The following FNIP1 variants were observed in gnomAD, a reference collection of about 807,000 sequenced individuals.
FNIP1 encodes the protein folliculin interacting protein 1.
A neutral mutation model predicts 124.5 loss-of-function variants in FNIP1; 40 were observed. That is an observed-to-expected ratio of 0.32 (90% CI 0.25 to 0.42). The LOEUF (loss-of-function observed/expected upper bound fraction) is 0.42, where lower values mean the gene tolerates loss of function less well. Ranked by LOEUF, FNIP1 falls within the 10% of genes least tolerant of loss-of-function variation. The probability of loss-of-function intolerance (pLI) is 1.00; values close to 1 mark genes in which losing one functional copy is unlikely to be tolerated. For missense variants in FNIP1, 1,176 were observed against 1,403.7 expected (o/e 0.84, Z 2.59); for synonymous variants, 472 against 470.6 (o/e 1.00, Z -0.04).
intron 5 of FNIP1, among the ~76,000 whole-genome samples, chr5:131,718,704 G>A (rs747823717): frequency 4.6e-5 from 7 of 152,306 alleles, no homozygotes; most frequent in Non-Finnish European, 7.3e-5. Context: ...GTAACTCAGC[G>A]TGGTACCGCA....
Position 131,796,972 on chromosome 5 carries a change from T to A in FNIP1, c.-51A>T, listed in dbSNP as rs761669940. 1 of 1,503,018 alleles carries A rather than the reference T, an allele frequency of 6.7e-7. No homozygotes were observed. Among genetic ancestry groups the A allele is most frequent in the African/African-American group, 1.4e-5 (1 of 71,266 alleles). The allele number at this position is 1,503,018 out of a possible 1,614,324, so 93.1% of individuals were successfully genotyped here. The stretch of plus-strand genomic sequence containing the variant: ...CTCCGCTGGGCGCTTGCTAGGCCCC[T>A]GCTCCTACAGCCGCCCCGCCACCCC... On this transcript the variant is annotated 5_prime_UTR_variant, in exon 1 of 18. Coordinates refer to ENST00000510461, the MANE Select transcript of FNIP1 (RefSeq NM_133372.3).
rs139084911 is a variant in FNIP1, at chr5:131,731,003, C to A, written c.255G>T (p.Gly85=). ...CTCCAGGTTTCAGTTGGCAGCATTTCCCAAAGACTTTAACTTGAGCATCAC... is the reference window on the plus strand; with the variant it reads ...CTCCAGGTTTCAGTTGGCAGCATTTACCAAAGACTTTAACTTGAGCATCAC... The part of the protein sequence containing the change: ...LGSDAQVKVF[G]KCCQLKPGGD... The change falls in exon 3 of 18, where the codon GGG becomes GGT. Residue 85 remains glycine (G), a synonymous_variant. Transcript: ENST00000510461. 6.2e-7 allele frequency: 1 copy of A among 1,613,222 alleles called. No homozygotes were observed. Among genetic ancestry groups the A allele is most frequent in the African/African-American group, 1.3e-5 (1 of 75,000 alleles).
At chr5:131,688,455 T>C (rs925033868) in intron 11 of FNIP1, among the ~76,000 whole-genome samples, 1 of 151,836 alleles carries the variant, frequency 6.6e-6, no homozygotes, top group Non-Finnish European at 1.5e-5. Context: ...CATATATAGC[T>C]ATCAATGAAA....
intron 3 of FNIP1, among the ~76,000 whole-genome samples, chr5:131,724,647 CTGCAGGTTGCCTGT>C (rs1769793780): frequency 6.6e-6 from 1 of 152,170 alleles, no homozygotes; most frequent in Admixed American, 6.5e-5. Flanking sequence ...TTCTCCCATT[CTGCAGGTTGCCTGT>C]TGACTCTGAT....
At chr5:131,658,600 TA>T (rs1485352226) in intron 15 of FNIP1, among the ~76,000 whole-genome samples, 1 of 151,690 alleles carries the variant, frequency 6.6e-6, no homozygotes, top group Non-Finnish European at 1.5e-5. Context: ...TAAAACAAAA[TA>T]AAAAAGTATT....
rs139017355 is a variant in FNIP1, at chr5:131,665,449, G to A, written c.3108+5014C>T. Among the ~76,000 whole-genome samples the A allele has an allele frequency of 3.7e-3, 566 of 151,750 alleles. 4 individuals are homozygous for A. Among genetic ancestry groups the A allele is most frequent in the African/African-American group, 0.013 (536 of 41,422 alleles). On this transcript the variant is annotated intron_variant, in intron 15 of 17. Transcript: ENST00000510461. ...CTCTCCTCTTATAATTCAGAAGACT[G>A]TATTTTTTTAAAGTATCACTTCCAT...
intron 1 of FNIP1, among the ~76,000 whole-genome samples, chr5:131,794,352 T>G (rs1483928226): frequency 6.6e-6 from 1 of 151,858 alleles, no homozygotes; most frequent in Non-Finnish European, 1.5e-5. Flanking sequence ...CCTGTAACCT[T>G]CATGCATTGC....
intron 1 of FNIP1, among the ~76,000 whole-genome samples, chr5:131,747,622 TA>T (rs1580807051): frequency 6.6e-6 from 1 of 152,018 alleles, no homozygotes; most frequent in African/African-American, 2.4e-5. Context: ...CGGGAGTCAC[TA>T]AAAAGTATCC....
At chr5:131,720,330 G>A (rs772821924) in intron 3 of FNIP1, among the ~76,000 whole-genome samples, 2 of 152,114 alleles carry the variant, frequency 1.3e-5, no homozygotes, top group Non-Finnish European at 2.9e-5. Context: ...CCTATATCAT[G>A]CACAAAAATC....
chr5:131,747,332 C>T (rs746322152), intron 1 of FNIP1, among the ~76,000 whole-genome samples: 3 of 152,144 alleles, frequency 2.0e-5, no homozygotes, highest in Non-Finnish European at 4.4e-5. Flanking sequence ...ATCCCAAATT[C>T]TTGACAGAAA....
At position 131,670,553 on chromosome 5, in the gene FNIP1, T is replaced by C. The variant is rs532266292; in HGVS notation, c.3018A>G (p.Ser1006=). The change falls in exon 15 of 18, where the codon TCA becomes TCG. Residue 1006 remains serine, a synonymous_variant. Transcript: ENST00000510461. The part of the protein sequence containing the change: ...FGRSLLGGYC[S]SYVPDFVLQG... Reference sequence around the variant, plus strand: ...GAAGAACAAAGTCAGGCACATAAGATGAGCAGTAGCCACCCAGCAAGGACC... The same window carrying C: ...GAAGAACAAAGTCAGGCACATAAGACGAGCAGTAGCCACCCAGCAAGGACC... The C allele has an allele frequency of 5.8e-5, 94 of 1,613,868 alleles. 3 individuals carry two copies. In the South Asian group the frequency reaches 1.0e-3, roughly 18 times the overall value.
intron 15 of FNIP1, among the ~76,000 whole-genome samples, chr5:131,669,597 T>C (rs1461153609): frequency 2.0e-5 from 3 of 151,920 alleles, no homozygotes; most frequent in African/African-American, 4.8e-5. Context: ...ACAATCTCAA[T>C]AGACATTGAG....
chr5:131,680,896 T>C (rs1768057291), intron 11 of FNIP1, among the ~76,000 whole-genome samples: 1 of 152,202 alleles, frequency 6.6e-6, no homozygotes, highest in South Asian at 2.1e-4. Flanking sequence ...GAGAAAGTTA[T>C]AAGGTCATAG....
intron 1 of FNIP1, among the ~76,000 whole-genome samples, chr5:131,795,388 T>C (rs997555929): frequency 6.6e-6 from 1 of 152,226 alleles, no homozygotes; most frequent in Non-Finnish European, 1.5e-5. Context: ...TGTTTTTTCA[T>C]ATGAGTGACT....
At chr5:131,770,561 T>C (rs1486312918) in intron 1 of FNIP1, among the ~76,000 whole-genome samples, 1 of 152,162 alleles carries the variant, frequency 6.6e-6, no homozygotes, top group East Asian at 1.9e-4. Context: ...AAACCAAGAA[T>C]CATTCCTCAC....
rs139468674 is a variant in FNIP1 at position 131,696,276 on chromosome 5, T to G, written c.1202+2641A>C. On this transcript the variant is annotated intron_variant, in intron 11 of 17. Coordinates refer to ENST00000510461, the MANE Select transcript of FNIP1 (RefSeq NM_133372.3). The stretch of plus-strand genomic sequence containing the variant: ...AATTCCCTCTGCAAATGTATTTGAT[T>G]TCTCCTACACTTCATCTATAAAAAA... Among the ~76,000 whole-genome samples, 130 of 152,332 alleles carry G rather than the reference T, an allele frequency of 8.5e-4. No individual in the cohort carries two copies. In the Middle Eastern group the frequency reaches 0.014, roughly 16 times the overall value.
intron 5 of FNIP1, among the ~76,000 whole-genome samples, chr5:131,716,995 T>C (rs1053875634): frequency 6.6e-6 from 1 of 151,592 alleles, no homozygotes; most frequent in African/African-American, 2.4e-5. Flanking sequence ...TATATTTTTT[T>C]TTATTATTAT....
At chr5:131,717,841 G>C (rs781702934) in intron 5 of FNIP1, among the ~76,000 whole-genome samples, 2 of 151,870 alleles carry the variant, frequency 1.3e-5, no homozygotes, top group Non-Finnish European at 2.9e-5. Flanking sequence ...TTAAAAATCA[G>C]TATTTTTGGC....
At position 131,649,179 on chromosome 5, in the gene FNIP1, G is replaced by A. The variant is rs1244748529; in HGVS notation, c.3307-1974C>T. 2.6e-5 allele frequency among the ~76,000 whole-genome samples: 4 copies of A among 152,142 alleles called. No individual in the cohort carries two copies. In the East Asian group the frequency reaches 7.7e-4, roughly 29 times the overall value. ...TGTTTTGAGTATAAACGCAGAAGTG[G>A]AATTAATAGATCATATGGTAATATA... On this transcript the variant is annotated intron_variant, in intron 16 of 17. Transcript: ENST00000510461.
Sources: gnomAD v4.1 joint callset for allele counts (sites outside exome capture counted in the v4.1 genomes callset) on GRCh38, gnomAD v4.1.1 for gene constraint, MANE v1.5 for transcripts, NCBI Gene and HGNC (gene_info 2026-07-23, HGNC 2026-07-21) for gene names.